The following ZRANB1 variants were observed in gnomAD, a reference collection of about 807,000 sequenced individuals.
ZRANB1 encodes zinc finger RANBP2-type containing 1, also known as ubiquitin thioesterase ZRANB1.
Under a neutral mutation model 80.5 loss-of-function variants are expected in ZRANB1, and 16 were observed. The observed-to-expected ratio is 0.20, with a 90% CI of 0.13 to 0.30. The LOEUF is 0.30. ZRANB1 is among the 10% of genes least tolerant of loss of function. The pLI, the probability that ZRANB1 is intolerant of heterozygous loss-of-function variation, is 1.00. For synonymous variants in ZRANB1, 291 were observed against 293.1 expected (o/e 0.99, Z 0.07); for missense variants, 576 against 862.6 (o/e 0.67, Z 4.16).
the ZRANB1 span, among the ~76,000 whole-genome samples, chr10:124,937,049 G>C: frequency 1.3e-5 from 2 of 152,060 alleles, no homozygotes; most frequent in Non-Finnish European, 2.9e-5. Context: ...ACACCTCCCA[G>C]GTTCAAGCAA....
intron 2 of ZRANB1, among the ~76,000 whole-genome samples, chr10:124,969,962 T>C (rs1184374754): frequency 6.6e-6 from 1 of 152,108 alleles, no homozygotes; most frequent in Non-Finnish European, 1.5e-5. Context: ...ATGTTTGTGG[T>C]AGTCAGGGTC....
Position 124,985,151 on chromosome 10 carries a change from A to G in ZRANB1, c.*159A>G, listed in dbSNP as rs773037549. 3.9e-5 allele frequency: 23 copies of G among 583,002 alleles called. No individual in the cohort carries two copies. In the South Asian group the frequency reaches 5.6e-4, roughly 14 times the overall value. The allele number at this position is 583,002 out of a possible 1,614,324, so 36.1% of individuals were successfully genotyped here. On this transcript the variant is annotated 3_prime_UTR_variant, in exon 9 of 9. Coordinates refer to ENST00000359653, the MANE Select transcript of ZRANB1 (RefSeq NM_017580.3). The stretch of plus-strand genomic sequence containing the variant: ...TGGACCACACACACCTTATGGAGAT[A>G]ATGCCTCTGCTGCGTGAGGAGACAG...
chr10:124,975,909 C>T (rs1256638561), intron 5 of ZRANB1, among the ~76,000 whole-genome samples: 4 of 152,046 alleles, frequency 2.6e-5, no homozygotes, highest in Non-Finnish European at 5.9e-5. Context: ...AGCTGAGGCA[C>T]GAGAATTGCT....
intron 1 of ZRANB1, among the ~76,000 whole-genome samples, chr10:124,957,956 C>T (rs780153261): frequency 1.3e-5 from 2 of 152,186 alleles, no homozygotes; most frequent in Non-Finnish European, 2.9e-5. Context: ...TCTCGAACTC[C>T]TGGCCTCAAG....
At chr10:124,917,514 C>T in the ZRANB1 span, among the ~76,000 whole-genome samples, 1 of 152,124 alleles carries the variant, frequency 6.6e-6, no homozygotes, top group African/African-American at 2.4e-5. Flanking sequence ...TGTTTACCGA[C>T]CGCCGGCCGC....
chr10:124,923,872 A>G, the ZRANB1 span, among the ~76,000 whole-genome samples: 9 of 151,898 alleles, frequency 5.9e-5, no homozygotes, highest in Non-Finnish European at 1.0e-4. Context: ...ACAGTTGGCA[A>G]TGAGATTTGG....
chr10:124,984,742 A>AT (rs1431125966), intron 8 of ZRANB1, 32 bp from the exon 9 acceptor site: 1 of 1,603,420 alleles, frequency 6.2e-7, no homozygotes. Context: ...CTGTTGTATG[A>AT]TTTTCCCTTT....
chr10:124,917,705 C>T, the ZRANB1 span, among the ~76,000 whole-genome samples: 1 of 152,196 alleles, frequency 6.6e-6, no homozygotes, highest in Non-Finnish European at 1.5e-5. Flanking sequence ...ATTTCAGTCC[C>T]TCGGCCGCTT....
At chr10:124,924,835 T>G in the ZRANB1 span, among the ~76,000 whole-genome samples, 1 of 152,176 alleles carries the variant, frequency 6.6e-6, no homozygotes, top group African/African-American at 2.4e-5. Flanking sequence ...ATGGAATTGC[T>G]GGGTCATGTG....
In ZRANB1 at chr10:124,985,763, GAGT is replaced by G. The variant is rs1364059984; in HGVS notation, c.*775_*777del. 6.6e-6 allele frequency: 1 copy of G among 152,270 alleles called. No individual in the cohort carries two copies. Among genetic ancestry groups the G allele is most frequent in the Non-Finnish European group, 1.5e-5 (1 of 68,030 alleles). The allele number at this position is 152,270 out of a possible 1,614,324, so 9.4% of individuals were successfully genotyped here. On this transcript the variant is annotated 3_prime_UTR_variant, in exon 9 of 9. Transcript: ENST00000359653. ...TTCCAGATTCTGGGCAGTGGTCTGT[GAGT>G]AGTTTTTTTCCTGGATGAAAAGGGA...
intron 1 of ZRANB1, among the ~76,000 whole-genome samples, chr10:124,966,300 A>G (rs1379063264): frequency 6.6e-6 from 1 of 151,954 alleles, no homozygotes; most frequent in Non-Finnish European, 1.5e-5. Context: ...CTCATACTAG[A>G]TTATTGATCT....
At chr10:124,918,423 C>T in the ZRANB1 span, among the ~76,000 whole-genome samples, 1 of 152,222 alleles carries the variant, frequency 6.6e-6, no homozygotes, top group Non-Finnish European at 1.5e-5. Context: ...CCTCTGACCT[C>T]AGGTGATCTG....
intron 1 of ZRANB1, among the ~76,000 whole-genome samples, chr10:124,949,449 G>GTGTA (rs1564957237): frequency 6.8e-6 from 1 of 147,196 alleles, no homozygotes; most frequent in Non-Finnish European, 1.5e-5. Flanking sequence ...ACACACATAT[G>GTGTA]TATATATATA....
chr10:124,977,083 CTCAGCT>C (rs1951882545), intron 5 of ZRANB1, among the ~76,000 whole-genome samples: 2 of 152,010 alleles, frequency 1.3e-5, no homozygotes, highest in Non-Finnish European at 2.9e-5. Flanking sequence ...ATCCTCCCAC[CTCAGCT>C]TCCTATGAGT....
chr10:124,954,598 C>T (rs1951674035), intron 1 of ZRANB1, among the ~76,000 whole-genome samples: 1 of 150,840 alleles, frequency 6.6e-6, no homozygotes, highest in African/African-American at 2.4e-5. Context: ...CAGGTGTGTG[C>T]CACCATGCCC....
chr10:124,962,309 G>T, intron 1 of ZRANB1: 1 of 877,940 alleles, frequency 1.1e-6, no homozygotes. Context: ...TGTGCCAGCC[G>T]ACTCCAGGTC....
chr10:124,985,213 AATTTT>A lies in ZRANB1; in HGVS notation c.*225_*229del, dbSNP rs1952006562. 2.2e-6 allele frequency: 1 copy of A among 459,670 alleles called. No homozygotes were observed. The highest frequency in any genetic ancestry group is 3.8e-6 in the Non-Finnish European group (1 of 260,548). The allele number at this position is 459,670 out of a possible 1,614,324, so 28.5% of individuals were successfully genotyped here. A position where few individuals can be genotyped will look rare whatever the true frequency, so the allele number is the denominator to read the frequency against. Reference sequence around the variant, plus strand: ...TGGACTACAGTTTGTAAAAAAAACTAATTTTATTAAGACAGAACTTTTTTTCCTTC... The same window carrying A: ...TGGACTACAGTTTGTAAAAAAAACTAATTAAGACAGAACTTTTTTTCCTTC... On this transcript the variant is annotated 3_prime_UTR_variant, in exon 9 of 9. Coordinates refer to ENST00000359653, the MANE Select transcript of ZRANB1 (RefSeq NM_017580.3).
intron 1 of ZRANB1, among the ~76,000 whole-genome samples, chr10:124,965,008 CAG>C (rs1441058249): frequency 1.3e-5 from 2 of 152,204 alleles, no homozygotes; most frequent in Non-Finnish European, 2.9e-5. Context: ...TAATTGGAAA[CAG>C]AAAACTCTTC....
upstream of ZRANB1, chr10:124,940,634 T>G (rs1311878615): frequency 3.4e-6 from 3 of 879,302 alleles, no homozygotes; most frequent in East Asian, 1.8e-4. Flanking sequence ...ACACTATAAA[T>G]GGTGTATGGA....
Sources: gnomAD v4.1 joint callset for allele counts (sites outside exome capture counted in the v4.1 genomes callset) on GRCh38, gnomAD v4.1.1 for gene constraint, MANE v1.5 for transcripts, NCBI Gene and HGNC (gene_info 2026-07-23, HGNC 2026-07-21) for gene names.